KIAA1217: variants seen among roughly 807,000 people sequenced by gnomAD.
KIAA1217 encodes sickle tail protein homolog.
Under a neutral mutation model 163.9 loss-of-function variants are expected in KIAA1217, and 88 were observed. The ratio of observed to expected loss-of-function variants is 0.54; its 90% confidence interval spans 0.45 to 0.64. The LOEUF is 0.64. Among genes scored for constraint, KIAA1217 ranks in the 30% least tolerant of loss-of-function variants. KIAA1217 has a pLI of 0.00. For missense variants in KIAA1217, 2,372 were observed against 2,475.0 expected, an observed-to-expected ratio of 0.96 and a Z score of 0.88; for synonymous variants, 903 against 923.1, an observed-to-expected ratio of 0.98 and a Z score of 0.39.
chr10:24,136,788 T>C (rs1433563553), intron 2 of KIAA1217, among the ~76,000 whole-genome samples: 4 of 152,252 alleles, frequency 2.6e-5, no homozygotes, highest in Non-Finnish European at 4.4e-5. Flanking sequence ...AGCATTTAAC[T>C]AGCCCTTTGC....
At chr10:23,928,893 G>C (rs1229750225) in intron 1 of KIAA1217, among the ~76,000 whole-genome samples, 1 of 152,222 alleles carries the variant, frequency 6.6e-6, no homozygotes, top group Non-Finnish European at 1.5e-5. Context: ...AGAGGTCTCA[G>C]AAGGCCCCTC....
chr10:24,251,877 AAAAGG>A, intron 2 of KIAA1217, among the ~76,000 whole-genome samples: 1 of 151,144 alleles, frequency 6.6e-6, no homozygotes, highest in African/African-American at 2.4e-5. Flanking sequence ...AAAAAAAAAA[AAAAGG>A]GGCGGGGAGC....
chr10:24,364,079 A>G (rs2050410175), intron 2 of KIAA1217, among the ~76,000 whole-genome samples: 1 of 151,794 alleles, frequency 6.6e-6, no homozygotes, highest in Non-Finnish European at 1.5e-5. Context: ...CCCAGGTTCA[A>G]GTCATTCTTC....
chr10:23,821,628 G>A (rs189397794), intron 1 of KIAA1217, among the ~76,000 whole-genome samples: 5 of 152,102 alleles, frequency 3.3e-5, no homozygotes, highest in South Asian at 2.1e-4. Flanking sequence ...TCCATCTACC[G>A]ATTCACACAT....
intron 1 of KIAA1217, among the ~76,000 whole-genome samples, chr10:23,884,559 C>T (rs1464612664): frequency 6.6e-6 from 1 of 151,936 alleles, no homozygotes; most frequent in Non-Finnish European, 1.5e-5. Flanking sequence ...ATCTCTTCAG[C>T]TAATTTAGCC....
At chr10:24,293,029 G>C (rs939768305) in intron 2 of KIAA1217, among the ~76,000 whole-genome samples, 1 of 152,034 alleles carries the variant, frequency 6.6e-6, no homozygotes, top group African/African-American at 2.4e-5. Flanking sequence ...TGCTCGGGAA[G>C]TTGTTTTTTG....
intron 19 of KIAA1217, 80 bp from the exon 20 acceptor site, chr10:24,544,901 G>A: frequency 6.7e-7 from 1 of 1,497,420 alleles, no homozygotes; most frequent in Non-Finnish European, 9.2e-7. Context: ...GAGCTTCTCT[G>A]CACATCGTGG....
chr10:24,103,995 C>CG (rs2062522030), intron 2 of KIAA1217, among the ~76,000 whole-genome samples: 1 of 152,112 alleles, frequency 6.6e-6, no homozygotes, highest in African/African-American at 2.4e-5. Context: ...TGTGTCCCCA[C>CG]CCAAATCTCA....
At chr10:24,124,838 A>ATT in intron 2 of KIAA1217, among the ~76,000 whole-genome samples, 1 of 152,284 alleles carries the variant, frequency 6.6e-6, no homozygotes, top group African/African-American at 2.4e-5. Flanking sequence ...ATTTCTTAGA[A>ATT]TTTTTATATT....
At chr10:24,381,098 C>T in intron 3 of KIAA1217, 31 bp downstream of exon 3, 1 of 1,470,496 alleles carries the variant, frequency 6.8e-7, no homozygotes, top group Admixed American at 2.3e-5. Flanking sequence ...TCTGATGCCC[C>T]TTTCTTACTG....
rs112365447 is a variant in KIAA1217, at chr10:23,837,599, T to C, written c.-321+142365T>C. ...CCTAGGCTGGAGTGCAGTGGCATGA[T>C]CATGGCTCATTGCAGCCTCAACTTC... On this transcript the variant is annotated intron_variant, in intron 1 of 18. Coordinates refer to the KIAA1217 transcript ENST00000376462. Among the ~76,000 whole-genome samples, 734 of 152,294 alleles carry C rather than the reference T, an allele frequency of 4.8e-3. 10 individuals carry two copies. The highest frequency in any genetic ancestry group is 0.016 in the African/African-American group (662 of 41,566).
chr10:24,476,440 C>T (rs1388204362), intron 6 of KIAA1217, among the ~76,000 whole-genome samples: 1 of 152,144 alleles, frequency 6.6e-6, no homozygotes, highest in African/African-American at 2.4e-5. Flanking sequence ...TAGAGACTTC[C>T]ATTTTGTAAA....
At chr10:24,314,731 A>G (rs2043135991) in intron 2 of KIAA1217, among the ~76,000 whole-genome samples, 1 of 152,030 alleles carries the variant, frequency 6.6e-6, no homozygotes, top group African/African-American at 2.4e-5. Context: ...CATGATTGTC[A>G]GGAGATTGAG....
intron 6 of KIAA1217, among the ~76,000 whole-genome samples, chr10:24,485,334 A>G (rs1240165420): frequency 1.3e-5 from 2 of 152,260 alleles, no homozygotes; most frequent in Non-Finnish European, 1.5e-5. Context: ...TGGCCTGCCA[A>G]GAACTCAACT....
chr10:23,764,894 C>T (rs1380354784), intron 1 of KIAA1217, among the ~76,000 whole-genome samples: 1 of 152,146 alleles, frequency 6.6e-6, no homozygotes, highest in African/African-American at 2.4e-5. Flanking sequence ...GCACGTTGTG[C>T]ACACACACAA....
At chr10:23,978,487 T>C (rs1330829235) in intron 1 of KIAA1217, among the ~76,000 whole-genome samples, 1 of 152,174 alleles carries the variant, frequency 6.6e-6, no homozygotes, top group African/African-American at 2.4e-5. Context: ...ATTCCTCAAG[T>C]GCAGTGAATC....
chr10:23,803,159 T>C (rs1445526612), intron 1 of KIAA1217, among the ~76,000 whole-genome samples: 1 of 152,210 alleles, frequency 6.6e-6, no homozygotes, highest in Non-Finnish European at 1.5e-5. Context: ...AGAAGTCAGA[T>C]AGAAGACTGG....
At chr10:24,443,258 GC>G (rs1176089723) in intron 5 of KIAA1217, among the ~76,000 whole-genome samples, 1 of 152,014 alleles carries the variant, frequency 6.6e-6, no homozygotes, top group Non-Finnish European at 1.5e-5. Context: ...CTTGGTATAA[GC>G]CCCCCTGTTT....
At chr10:23,843,730 T>C (rs1251154156) in intron 1 of KIAA1217, among the ~76,000 whole-genome samples, 3 of 152,204 alleles carry the variant, frequency 2.0e-5, no homozygotes, top group African/African-American at 7.2e-5. Flanking sequence ...TGATAATGGT[T>C]GACCTGTTCC....
Sources: gnomAD v4.1 joint callset for allele counts (sites outside exome capture counted in the v4.1 genomes callset) on GRCh38, gnomAD v4.1.1 for gene constraint, MANE v1.5 for transcripts, NCBI Gene and HGNC (gene_info 2026-07-23, HGNC 2026-07-21) for gene names.